CEP126: variants seen among roughly 807,000 people sequenced by gnomAD.
The protein encoded by CEP126 is centrosomal protein 126, also known as centrosomal protein of 126 kDa.
Under a neutral mutation model 107.8 loss-of-function variants are expected in CEP126, and 74 were observed. That is an observed-to-expected ratio of 0.69 (90% CI 0.57 to 0.83). The LOEUF (loss-of-function observed/expected upper bound fraction) is 0.83. CEP126 is among the 40% of genes least tolerant of loss of function. The probability of loss-of-function intolerance (pLI) is 0.00; values close to 1 mark genes in which losing one functional copy is unlikely to be tolerated. For synonymous variants in CEP126, 449 were observed against 446.0 expected (o/e 1.01, Z -0.08); for missense variants, 1,237 against 1,281.9 (o/e 0.96, Z 0.53).
chr11:101,981,107 G>A (rs567114809), intron 7 of CEP126, among the ~76,000 whole-genome samples: 8 of 152,230 alleles, frequency 5.3e-5, no homozygotes, highest in East Asian at 3.9e-4. Flanking sequence ...TGAGACTTCC[G>A]TTTTCAAGGT....
At chr11:101,967,025 C>CTTTTTTTT (rs759877416) in intron 6 of CEP126, among the ~76,000 whole-genome samples, 140 of 107,008 alleles carry the variant, frequency 1.3e-3, no homozygotes, top group African/African-American at 1.7e-3. Flanking sequence ...CTCTTTCTTT[C>CTTTTTTTT]TTTTTTTTTT....
At chr11:101,951,937 C>A (rs1003821595) in intron 4 of CEP126, among the ~76,000 whole-genome samples, 8 of 152,186 alleles carry the variant, frequency 5.3e-5, no homozygotes, top group Non-Finnish European at 1.2e-4. Context: ...TTCTAAAGGA[C>A]AGTGTCTCAG....
At chr11:101,945,575 A>C (rs1940723434) in intron 3 of CEP126, among the ~76,000 whole-genome samples, 1 of 152,198 alleles carries the variant, frequency 6.6e-6, no homozygotes, top group Non-Finnish European at 1.5e-5. Flanking sequence ...ACATGATAAC[A>C]GTTTATTTTT....
At chr11:101,950,707 G>A (rs974820185) in intron 4 of CEP126, among the ~76,000 whole-genome samples, 4 of 152,308 alleles carry the variant, frequency 2.6e-5, no homozygotes. Context: ...ACAGTGTTGT[G>A]AAAGGCATAG....
intron 2 of CEP126, among the ~76,000 whole-genome samples, chr11:101,940,429 G>A (rs1307146742): frequency 1.3e-5 from 2 of 152,146 alleles, no homozygotes; most frequent in African/African-American, 4.8e-5. Flanking sequence ...CTAAATAAAT[G>A]TTAACTGGTT....
intron 10 of CEP126, 65 bp downstream of exon 10, chr11:101,992,907 A>G (rs1941402349): frequency 7.3e-7 from 1 of 1,379,262 alleles, no homozygotes; most frequent in Non-Finnish European, 9.5e-7. Context: ...GTACACATCA[A>G]TACAGGTAAG....
chr11:101,929,593 G>C (rs957095794), intron 2 of CEP126, among the ~76,000 whole-genome samples: 14 of 152,172 alleles, frequency 9.2e-5, no homozygotes, highest in African/African-American at 3.1e-4. Flanking sequence ...CTCTCTGCAG[G>C]CTTCCTCAGA....
At chr11:101,953,595 T>TAAATGGGAAA (rs1940842259) in intron 4 of CEP126, among the ~76,000 whole-genome samples, 1 of 151,570 alleles carries the variant, frequency 6.6e-6, no homozygotes, top group Admixed American at 6.6e-5. Flanking sequence ...AGTAAGAAAA[T>TAAATGGGAAA]AAATGGGAAA....
At chr11:101,925,033 T>A (rs1160830352) in intron 2 of CEP126, among the ~76,000 whole-genome samples, 2 of 152,134 alleles carry the variant, frequency 1.3e-5, no homozygotes, top group African/African-American at 4.8e-5. Flanking sequence ...TACAATGGAG[T>A]CCCCTTTGTT....
intron 2 of CEP126, among the ~76,000 whole-genome samples, chr11:101,929,974 C>CTTTTTTTTTTTTTTT (rs60650996): frequency 6.7e-5 from 8 of 118,688 alleles, no homozygotes; most frequent in East Asian, 2.7e-4. Flanking sequence ...TTAGTTAGGA[C>CTTTTTTTTTTTTTTT]TTTTTTTTTT....
At chr11:101,964,868 A>C (rs1941041159) in intron 6 of CEP126, among the ~76,000 whole-genome samples, 1 of 152,138 alleles carries the variant, frequency 6.6e-6, no homozygotes, top group Admixed American at 6.5e-5. Flanking sequence ...CACAGTGAAA[A>C]ATATTGTTTA....
chr11:101,988,910 G>A (rs868737885), intron 9 of CEP126, among the ~76,000 whole-genome samples: 30 of 151,932 alleles, frequency 2.0e-4, no homozygotes, highest in African/African-American at 7.0e-4. Context: ...TTTTAACCAC[G>A]GTGGGTGATT....
rs370162014 is a variant in CEP126, at chr11:101,963,387, A to G, written c.2352A>G (p.Ala784=). The G allele has an allele frequency of 7.9e-5, 127 of 1,614,172 alleles. No individual in the cohort carries two copies. The African/African-American group carries it at 1.6e-3, about 20-fold the overall frequency. The change falls in exon 6 of 11, where the codon GCA becomes GCG. Residue 784 remains alanine (A), a synonymous_variant. Coordinates refer to ENST00000263468, the MANE Select transcript of CEP126 (RefSeq NM_020802.4). ...RKGAVIQPQS[A]SKVNIFTQAQ... is the part of the protein sequence containing the mutation. ...GCGCTGTCATTCAACCACAGTCTGC[A>G]AGCAAAGTCAACATATTTACACAAG...
chr11:101,956,546 T>C (rs971174018), intron 4 of CEP126: 2 of 456,392 alleles, frequency 4.4e-6, no homozygotes, highest in Non-Finnish European at 4.4e-6. Context: ...TTCATCTCCT[T>C]CTACTTCCAC....
rs1485560107 is a variant in CEP126, at chr11:101,955,983, C to T, written c.507-2185C>T. Reference sequence around the variant, plus strand: ...CCCTCTACTCTTCCAAAGACCTTTGCACCAGTCCCATTACTGCCTTACCCA... The same window carrying T: ...CCCTCTACTCTTCCAAAGACCTTTGTACCAGTCCCATTACTGCCTTACCCA... On this transcript the variant is annotated intron_variant, in intron 4 of 10. Transcript: ENST00000263468. 8 of 456,396 alleles carry T rather than the reference C, an allele frequency of 1.8e-5. No homozygotes were observed. In the East Asian group the frequency reaches 5.6e-4, roughly 32 times the overall value. 28.3% of individuals were successfully genotyped at this position (456,396 alleles called of 1,614,324 possible).
At chr11:101,977,630 C>CAAAAAAA (rs952859970) in intron 6 of CEP126, among the ~76,000 whole-genome samples, 1 of 52,596 alleles carries the variant, frequency 1.9e-5, no homozygotes, top group Non-Finnish European at 3.9e-5. Context: ...GACTCTGTCT[C>CAAAAAAA]AAAAAAAAAA....
intron 2 of CEP126, among the ~76,000 whole-genome samples, chr11:101,942,355 C>T (rs1453598192): frequency 1.3e-5 from 2 of 152,022 alleles, no homozygotes; most frequent in Non-Finnish European, 2.9e-5. Flanking sequence ...AGATATCCAA[C>T]ACCATTTTCT....
At chr11:101,964,982 C>T (rs1341620280) in intron 6 of CEP126, among the ~76,000 whole-genome samples, 2 of 152,096 alleles carry the variant, frequency 1.3e-5, no homozygotes, top group South Asian at 2.1e-4. Flanking sequence ...ATACCTAATT[C>T]TCCCATTCTC....
intron 6 of CEP126, among the ~76,000 whole-genome samples, chr11:101,973,010 A>G (rs1363275594): frequency 6.6e-6 from 1 of 152,200 alleles, no homozygotes; most frequent in Non-Finnish European, 1.5e-5. Context: ...CATTGCTGCA[A>G]TCACATTCAA....
Sources: allele counts gnomAD v4.1 joint callset (sites outside exome capture counted in the v4.1 genomes callset), GRCh38; gene constraint gnomAD v4.1.1; transcripts MANE v1.5; gene names NCBI Gene and HGNC (gene_info 2026-07-23, HGNC 2026-07-21).